Variants in SRL observed in about 807,000 individuals in gnomAD.
SRL encodes the protein sarcalumenin.
A neutral mutation model predicts 39.5 loss-of-function variants in SRL; 23 were observed. That is an observed-to-expected ratio of 0.58 (90% CI 0.42 to 0.82). SRL has a LOEUF of 0.82. Among genes scored for constraint, SRL ranks in the 40% least tolerant of loss-of-function variants. The pLI is 0.00. For missense variants in SRL, 592 were observed against 607.8 expected (o/e 0.97, Z 0.27); for synonymous variants, 272 against 237.4 (o/e 1.15, Z -1.34).
intron 1 of SRL, among the ~76,000 whole-genome samples, chr16:4,227,610 G>A (rs1327895412): frequency 2.0e-5 from 3 of 152,130 alleles, no homozygotes; most frequent in African/African-American, 2.4e-5. Flanking sequence ...TGGATGGATC[G>A]ATGGTGGTGG....
chr16:4,206,835 G>A (rs1018221646), intron 1 of SRL: 19 of 456,658 alleles, frequency 4.2e-5, no homozygotes, highest in African/African-American at 3.0e-4. Context: ...CAATTCCTCC[G>A]GGCCAGGCTG....
intron 1 of SRL, among the ~76,000 whole-genome samples, chr16:4,235,818 G>C (rs576941100): frequency 6.6e-6 from 1 of 152,332 alleles, no homozygotes; most frequent in African/African-American, 2.4e-5. Flanking sequence ...GGCCGGGCAC[G>C]GTGGCTCACG....
rs1455138608 is a variant in SRL at position 4,195,679 on chromosome 16, G to T, written c.484C>A (p.Leu162Ile). 1 of 1,614,030 alleles carries T rather than the reference G, an allele frequency of 6.2e-7. No homozygotes were observed. The highest frequency in any genetic ancestry group is 2.2e-5 in the East Asian group (1 of 44,890). The change falls in exon 5 of 6, where the codon CTT becomes ATT. Residue 162 changes from leucine to isoleucine, a missense_variant. Physicochemically the swap from Leu to Ile is conservative, Grantham distance 5 (BLOSUM62 2). Transcript: ENST00000399609. ...AADSARSFSPLEKFGQNFLEK... is the reference protein window; with the variant it reads ...AADSARSFSPIEKFGQNFLEK... ...AGGAAATTCTGGCCAAACTTCTCAAGGGGTGAGAAGGAACGGGCGCTGTCA... is the reference window on the plus strand; with the variant it reads ...AGGAAATTCTGGCCAAACTTCTCAATGGGTGAGAAGGAACGGGCGCTGTCA...
At chr16:4,240,944 A>T (rs1292443768) in intron 1 of SRL, among the ~76,000 whole-genome samples, 2 of 152,124 alleles carry the variant, frequency 1.3e-5, no homozygotes, top group Non-Finnish European at 2.9e-5. Flanking sequence ...CAGTGGCTGG[A>T]GCCCCCCACC....
rs1278629308 is a variant in SRL, at chr16:4,237,679, T to C, written c.61+4328A>G. On this transcript the variant is annotated intron_variant, in intron 1 of 5. Coordinates refer to ENST00000399609, the MANE Select transcript of SRL (RefSeq NM_001098814.2). ...CCCGCCTTCATGCAAGACAGAACAA[T>C]GCTCCCCTTCCCTGGGTCTCACCAG... Among the ~76,000 whole-genome samples, 4 of 151,800 alleles carry C rather than the reference T, an allele frequency of 2.6e-5. No individual in the cohort carries two copies. In the East Asian group the frequency reaches 7.8e-4, roughly 29 times the overall value.
chr16:4,210,722 A>G (rs1465479643), intron 1 of SRL, among the ~76,000 whole-genome samples: 1 of 152,094 alleles, frequency 6.6e-6, no homozygotes, highest in Non-Finnish European at 1.5e-5. Context: ...ATCTCAAGGG[A>G]TCCACCCACC....
intron 1 of SRL, among the ~76,000 whole-genome samples, chr16:4,238,360 C>T (rs1041816718): frequency 2.6e-5 from 4 of 152,100 alleles, no homozygotes; most frequent in African/African-American, 9.7e-5. Context: ...AACAGCTGTC[C>T]CCCTCCTGAG....
chr16:4,190,548 AC>A lies in SRL; in HGVS notation c.*1604del. ...TGCAGGTCCTGCCCCTCTGCTCCCCACCACCTGCTGTGGAGCCGTGCATGCT... is the reference window on the plus strand; with the variant it reads ...TGCAGGTCCTGCCCCTCTGCTCCCCACACCTGCTGTGGAGCCGTGCATGCT... On this transcript the variant is annotated 3_prime_UTR_variant, in exon 6 of 6. Transcript: ENST00000399609. The A allele has an allele frequency of 2.5e-6, 1 of 398,540 alleles. No individual in the cohort carries two copies. Among genetic ancestry groups the A allele is most frequent in the Non-Finnish European group, 4.4e-6 (1 of 226,326 alleles). The allele number at this position is 398,540 out of a possible 1,614,324, so 24.7% of individuals were successfully genotyped here.
At position 4,231,499 on chromosome 16, in the gene SRL, G is replaced by C. The variant is rs542176652; in HGVS notation, c.61+10508C>G. 3.3e-5 allele frequency among the ~76,000 whole-genome samples: 5 copies of C among 152,184 alleles called. No homozygotes were observed. The South Asian group carries it at 1.0e-3, about 32-fold the overall frequency. Reference sequence around the variant, plus strand: ...CCGCAGACCCTGTCGTCACCATCCTGGGGCCCACATGCTCTGAAACCCAGC... The same window carrying C: ...CCGCAGACCCTGTCGTCACCATCCTCGGGCCCACATGCTCTGAAACCCAGC... On this transcript the variant is annotated intron_variant, in intron 1 of 5. Coordinates refer to ENST00000399609, the MANE Select transcript of SRL (RefSeq NM_001098814.2).
intron 1 of SRL, among the ~76,000 whole-genome samples, chr16:4,239,912 C>T (rs773066663): frequency 8.6e-5 from 13 of 152,014 alleles, no homozygotes; most frequent in African/African-American, 1.2e-4. Context: ...GGCCTGAGTG[C>T]AGCAGCAGGT....
chr16:4,214,638 T>C lies in SRL; in HGVS notation c.62-10004A>G, dbSNP rs2052433533. 2.0e-5 allele frequency among the ~76,000 whole-genome samples: 3 copies of C among 152,282 alleles called. No homozygotes were observed. The South Asian group carries it at 6.2e-4, about 32-fold the overall frequency. ...AGAGCAGGCAGCCTGCCCCCTTCCTTGTTCTAGATCTTGTCTCTGAACACT... is the reference window on the plus strand; with the variant it reads ...AGAGCAGGCAGCCTGCCCCCTTCCTCGTTCTAGATCTTGTCTCTGAACACT... On this transcript the variant is annotated intron_variant, in intron 1 of 5. Coordinates refer to ENST00000399609, the MANE Select transcript of SRL (RefSeq NM_001098814.2).
intron 1 of SRL, among the ~76,000 whole-genome samples, chr16:4,210,486 CT>C (rs555999418): frequency 1.2e-4 from 13 of 104,012 alleles, no homozygotes; most frequent in East Asian, 5.2e-4. Flanking sequence ...TTACTCATAT[CT>C]TTTTTTTTTT....
intron 3 of SRL, among the ~76,000 whole-genome samples, chr16:4,202,826 C>A (rs1318645422): frequency 6.6e-6 from 1 of 152,124 alleles, no homozygotes; most frequent in Non-Finnish European, 1.5e-5. Context: ...GCACCTGTGG[C>A]CTCTGGAGCA....
chr16:4,211,052 C>T (rs1405454893), intron 1 of SRL, among the ~76,000 whole-genome samples: 6 of 152,104 alleles, frequency 3.9e-5, no homozygotes, highest in African/African-American at 4.8e-5. Context: ...CCTCAGCCAG[C>T]GACTCTCAGC....
In SRL at chr16:4,192,879, C is replaced by A. The variant is rs374599630; in HGVS notation, c.696G>T (p.Val232=). 103 of 1,614,186 alleles carry A rather than the reference C, an allele frequency of 6.4e-5. No homozygotes were observed. The African/African-American group carries it at 1.2e-3, about 19-fold the overall frequency. Residue 232 remains valine (V), a synonymous_variant, in exon 6 of 6, where the codon GTG becomes GTT. Transcript: ENST00000399609. The surrounding 1 kb of genome is among the most constrained non-coding windows in gnomAD (Gnocchi z 4.0). ...FVVFDPTKLD[V]GLELEMLFRQ... ...GGAAGAGCATCTCCAGCTCTAGACC[C>A]ACATCCAGCTTTGTTGGGTCAAAGA...
At chr16:4,210,326 C>T (rs1304587571) in intron 1 of SRL, among the ~76,000 whole-genome samples, 1 of 152,146 alleles carries the variant, frequency 6.6e-6, no homozygotes, top group Admixed American at 6.5e-5. Context: ...GTCCTCTGAA[C>T]AGCAGGATAC....
At chr16:4,237,252 C>T (rs1238394359) in intron 1 of SRL, among the ~76,000 whole-genome samples, 2 of 152,158 alleles carry the variant, frequency 1.3e-5, no homozygotes, top group Admixed American at 6.5e-5. Flanking sequence ...CCAAACTGGA[C>T]TCAAAATCTG....
At chr16:4,200,544 G>A (rs369040630) in intron 3 of SRL, among the ~76,000 whole-genome samples, 6 of 152,216 alleles carry the variant, frequency 3.9e-5, no homozygotes, top group Non-Finnish European at 7.4e-5. Context: ...CCTCCCTGCA[G>A]AGCGCCATGC....
At chr16:4,224,927 G>A (rs6500592) in intron 1 of SRL, among the ~76,000 whole-genome samples, 8,551 of 152,220 alleles carry the variant, frequency 0.056, 841 homozygotes, top group African/African-American at 0.2. Flanking sequence ...GGGGTGGAGC[G>A]CTTCCACCTG....
Sources: gnomAD v4.1 joint callset for allele counts (sites outside exome capture counted in the v4.1 genomes callset) on GRCh38, gnomAD v4.1.1 for gene constraint, Gnocchi (gnomAD v3.1) non-coding constraint, MANE v1.5 for transcripts, NCBI Gene and HGNC (gene_info 2026-07-23, HGNC 2026-07-21) for gene names.